The following CHMP3 variants were observed in gnomAD, a reference collection of about 807,000 sequenced individuals.
CHMP3 encodes the protein 25.1 protein.
A neutral mutation model predicts 27.4 loss-of-function variants in CHMP3; 8 were observed. The observed-to-expected ratio is 0.29, with a 90% CI of 0.17 to 0.53. The LOEUF (loss-of-function observed/expected upper bound fraction) is 0.53, where lower values mean the gene tolerates loss of function less well. CHMP3 is among the 20% of genes least tolerant of loss of function. The pLI is 0.96. For synonymous variants in CHMP3, 86 were observed against 85.5 expected, an observed-to-expected ratio of 1.01 and a Z score of -0.03; for missense variants, 208 against 271.5, an observed-to-expected ratio of 0.77 and a Z score of 1.64.
At chr2:86,516,611 T>C (rs1022604488) in intron 3 of CHMP3, among the ~76,000 whole-genome samples, 3 of 152,166 alleles carry the variant, frequency 2.0e-5, no homozygotes, top group African/African-American at 4.8e-5. Context: ...AGCCAACAAC[T>C]GGAAGCAACT....
intron 1 of CHMP3, among the ~76,000 whole-genome samples, chr2:86,549,560 G>T (rs6710780): frequency 0.19 from 27,147 of 141,320 alleles, 3,312 homozygotes; most frequent in African/African-American, 0.34. Flanking sequence ...TTCCCAGATG[G>T]GGTTGCAGTC....
At chr2:86,509,475 T>C (rs184205525) in intron 4 of CHMP3, among the ~76,000 whole-genome samples, 9 of 152,298 alleles carry the variant, frequency 5.9e-5, no homozygotes, top group African/African-American at 1.9e-4. Flanking sequence ...ACCCTGTACA[T>C]AATTCAAGTT....
intron 1 of CHMP3, among the ~76,000 whole-genome samples, chr2:86,549,866 CG>C (rs1676826611): frequency 2.7e-5 from 4 of 149,758 alleles, no homozygotes; most frequent in African/African-American, 9.9e-5. Context: ...ATGGGGCAGC[CG>C]GGCAGAGGCG....
chr2:86,522,487 C>A (rs533443765), intron 3 of CHMP3, among the ~76,000 whole-genome samples: 2 of 152,278 alleles, frequency 1.3e-5, no homozygotes, highest in East Asian at 3.9e-4. Context: ...CCAGGTGAAC[C>A]AAATAGCCAC....
Position 86,510,414 on chromosome 2 carries a change from C to G in CHMP3, c.352G>C (p.Val118Leu). 1 of 1,614,128 alleles carries G rather than the reference C, an allele frequency of 6.2e-7. No individual in the cohort carries two copies. Residue 118 changes from valine (V) to leucine (L), a missense_variant, in exon 4 of 6, where the codon GTG becomes CTG. Around this residue, in one of 3 missense-constraint regions of CHMP3, gnomAD observed 94 missense variants for 159.6 expected, o/e 0.59. Coordinates refer to ENST00000263856, the MANE Select transcript of CHMP3 (RefSeq NM_016079.4). ...GTGGCCTGAATCTCTGGAATCTTCA[C>G]AAGACTTTGCATGGCCTTCATCACT... Reference protein sequence around the residue: ...TEVMKAMQSLVKIPEIQATMR... With the variant: ...TEVMKAMQSLLKIPEIQATMR...
chr2:86,531,942 A>T (rs974339830), intron 2 of CHMP3, among the ~76,000 whole-genome samples: 7 of 152,190 alleles, frequency 4.6e-5, no homozygotes, highest in Admixed American at 3.9e-4. Context: ...AGGGTCTCTT[A>T]AGATTCTATA....
In CHMP3 at chr2:86,563,243, A is replaced by G. The variant is rs923331430; in HGVS notation, c.45+61T>C. 1.2e-5 allele frequency: 19 copies of G among 1,588,402 alleles called. 2 individuals are homozygous for G. The South Asian group carries it at 1.9e-4, about 16-fold the overall frequency. The stretch of plus-strand genomic sequence containing the variant: ...TGGGGAGAAGAGTGTCCTGTCATTT[A>G]CCAACTTCACTACGCCCCACACAGA... On this transcript the variant is annotated intron_variant, in intron 1 of 5. Coordinates refer to ENST00000263856, the MANE Select transcript of CHMP3 (RefSeq NM_016079.4).
chr2:86,506,910 T>G (rs546127824), intron 5 of CHMP3: 46 of 152,318 alleles, frequency 3.0e-4, no homozygotes, highest in African/African-American at 1.1e-3. Context: ...CACCTGGCCC[T>G]CAAACGTTTC....
chr2:86,542,394 C>T, intron 1 of CHMP3, 82 bp from the exon 2 acceptor site: 2 of 1,306,824 alleles, frequency 1.5e-6, no homozygotes, highest in East Asian at 2.3e-5. Context: ...GTATTAACTC[C>T]ACATTTATTA....
chr2:86,521,894 C>T (rs1675536527), intron 3 of CHMP3, among the ~76,000 whole-genome samples: 1 of 152,230 alleles, frequency 6.6e-6, no homozygotes, highest in African/African-American at 2.4e-5. Flanking sequence ...GCTATGAACA[C>T]TGGCATCCAA....
chr2:86,511,768 C>T (rs1291202732), intron 3 of CHMP3: 1 of 152,044 alleles, frequency 6.6e-6, no homozygotes, highest in Admixed American at 6.6e-5. Flanking sequence ...CATCCTGAGT[C>T]TGTAACCCAG....
intron 3 of CHMP3, among the ~76,000 whole-genome samples, chr2:86,520,972 T>A (rs372113334): frequency 2.0e-5 from 3 of 152,216 alleles, no homozygotes; most frequent in African/African-American, 7.2e-5. Context: ...TTGTGATTTG[T>A]TTCTGCCCCA....
chr2:86,522,525 C>T (rs989147522), intron 3 of CHMP3, among the ~76,000 whole-genome samples: 1 of 152,148 alleles, frequency 6.6e-6, no homozygotes, highest in African/African-American at 2.4e-5. Flanking sequence ...TCTGGTCAGC[C>T]CAAGTGAAGA....
rs578032231 is a variant in CHMP3 at position 86,547,923 on chromosome 2, T to C, written c.46-5611A>G. On this transcript the variant is annotated intron_variant, in intron 1 of 5. Coordinates refer to ENST00000263856, the MANE Select transcript of CHMP3 (RefSeq NM_016079.4). The stretch of plus-strand genomic sequence containing the variant: ...CACACTACCAAAATATTATCCTTTA[T>C]TCAAATTCATTCACAGAGGTCTATT... 7.8e-4 allele frequency among the ~76,000 whole-genome samples: 119 copies of C among 152,328 alleles called. 1 individual carries two copies. Among genetic ancestry groups the C allele is most frequent in the African/African-American group, 2.8e-3 (116 of 41,574 alleles).
At chr2:86,528,751 AC>A (rs1345081222) in intron 3 of CHMP3, among the ~76,000 whole-genome samples, 2 of 152,206 alleles carry the variant, frequency 1.3e-5, no homozygotes, top group Non-Finnish European at 2.9e-5. Context: ...TATGCTGAAT[AC>A]CCATCACGTG....
chr2:86,539,989 G>C (rs578126208), intron 2 of CHMP3, among the ~76,000 whole-genome samples: 1 of 152,086 alleles, frequency 6.6e-6, no homozygotes, highest in South Asian at 2.1e-4. Context: ...GGATAACATA[G>C]GGTTGTTTTG....
Position 86,560,146 on chromosome 2 carries a change from T to C in CHMP3, c.45+3158A>G, listed in dbSNP as rs542375414. On this transcript the variant is annotated intron_variant, in intron 1 of 5. Coordinates refer to ENST00000263856, the MANE Select transcript of CHMP3 (RefSeq NM_016079.4). The stretch of plus-strand genomic sequence containing the variant: ...CAGATGTGGTGGCACGGGCCTGTAG[T>C]CCCAGCTACTCAGGAGACTGAGGCA... Among the ~76,000 whole-genome samples the C allele has an allele frequency of 7.4e-4, 112 of 152,092 alleles. 1 individual carries two copies. The highest frequency in any genetic ancestry group is 1.3e-3 in the Non-Finnish European group (91 of 68,014).
At chr2:86,521,147 T>G (rs1054876887) in intron 3 of CHMP3, among the ~76,000 whole-genome samples, 1 of 152,122 alleles carries the variant, frequency 6.6e-6, no homozygotes, top group Non-Finnish European at 1.5e-5. Flanking sequence ...TCACCGCCTA[T>G]CCCCAAACCT....
intron 5 of CHMP3, 126 bp from the exon 6 acceptor site, chr2:86,506,075 T>C: frequency 1.7e-6 from 2 of 1,167,008 alleles, no homozygotes; most frequent in South Asian, 3.3e-5. Flanking sequence ...CAAGCTGTTT[T>C]TGGGGGGGTT....
Sources: allele counts gnomAD v4.1 joint callset (sites outside exome capture counted in the v4.1 genomes callset), GRCh38; gene constraint gnomAD v4.1.1; regional missense constraint gnomAD v4.1.1; transcripts MANE v1.5; gene names NCBI Gene and HGNC (gene_info 2026-07-23, HGNC 2026-07-21).